Variants in PID1 observed in about 807,000 individuals in gnomAD.
PID1 encodes the protein PTB-containing, cubilin and LRP1-interacting protein.
In PID1, 10 loss-of-function variants were observed where a neutral mutation model predicts 19.1. That is an observed-to-expected ratio of 0.52 (90% confidence interval 0.32 to 0.89). The LOEUF (loss-of-function observed/expected upper bound fraction) is 0.89. Among genes scored for constraint, PID1 ranks in the 40% least tolerant of loss-of-function variants. The pLI, the probability that PID1 is intolerant of heterozygous loss-of-function variation, is 0.03. For synonymous variants in PID1, 130 were observed against 116.0 expected (o/e 1.12, Z -0.78); for missense variants, 248 against 285.3 (o/e 0.87, Z 0.94).
At chr2:229,230,335 A>G (rs1281252049) in intron 1 of PID1, among the ~76,000 whole-genome samples, 1 of 152,240 alleles carries the variant, frequency 6.6e-6, no homozygotes, top group Non-Finnish European at 1.5e-5. Flanking sequence ...GACTGACTGA[A>G]TAGAATAATA....
intron 1 of PID1, among the ~76,000 whole-genome samples, chr2:229,224,438 G>T (rs1692035712): frequency 6.6e-6 from 1 of 152,084 alleles, no homozygotes; most frequent in South Asian, 2.1e-4. Flanking sequence ...TATCTTTTGG[G>T]TGTCTCTCCA....
intron 1 of PID1, among the ~76,000 whole-genome samples, chr2:229,220,193 A>T (rs900872073): frequency 6.6e-6 from 1 of 151,806 alleles, no homozygotes; most frequent in Non-Finnish European, 1.5e-5. Context: ...CTAATTTCCT[A>T]TTTTTTGTAT....
intron 2 of PID1, among the ~76,000 whole-genome samples, chr2:229,143,119 T>G (rs1448602175): frequency 1.4e-5 from 2 of 148,068 alleles, no homozygotes; most frequent in Admixed American, 6.8e-5. Flanking sequence ...CACCGCATAT[T>G]CTCACTTATA....
chr2:229,199,459 C>T (rs2106238801), intron 1 of PID1, among the ~76,000 whole-genome samples: 1 of 152,036 alleles, frequency 6.6e-6, no homozygotes, highest in South Asian at 2.1e-4. Context: ...GTTCTAGTAC[C>T]TAGAGCAGTA....
At chr2:229,045,707 T>A (rs1693861252) in intron 2 of PID1, among the ~76,000 whole-genome samples, 1 of 152,352 alleles carries the variant, frequency 6.6e-6, no homozygotes, top group African/African-American at 2.4e-5. Context: ...ACCTTTCTTT[T>A]GTGAACACAC....
chr2:229,158,388 A>G (rs897043707), intron 1 of PID1, among the ~76,000 whole-genome samples: 2 of 152,128 alleles, frequency 1.3e-5, no homozygotes, highest in African/African-American at 2.4e-5. Context: ...TTGTTCCTAT[A>G]ATTTATCCCT....
At chr2:229,142,673 A>G (rs1047237799) in intron 2 of PID1, among the ~76,000 whole-genome samples, 6 of 152,156 alleles carry the variant, frequency 3.9e-5, no homozygotes, top group African/African-American at 1.4e-4. Context: ...TTAGAATGGC[A>G]ATCATTAAAA....
chr2:229,264,304 C>T (rs1690538523), intron 1 of PID1, among the ~76,000 whole-genome samples: 1 of 152,136 alleles, frequency 6.6e-6, no homozygotes, highest in South Asian at 2.1e-4. Flanking sequence ...CACGACTTCC[C>T]TTACTACATT....
intron 2 of PID1, among the ~76,000 whole-genome samples, chr2:229,106,624 A>G (rs1274925729): frequency 6.6e-6 from 1 of 152,220 alleles, no homozygotes. Flanking sequence ...GGACACATAG[A>G]AGGCGCCATC....
At chr2:229,214,596 GTTTTC>G (rs369593739) in intron 1 of PID1, among the ~76,000 whole-genome samples, 1 of 152,184 alleles carries the variant, frequency 6.6e-6, no homozygotes, top group African/African-American at 2.4e-5. Flanking sequence ...TTATTAGTTA[GTTTTC>G]TTTTCACTAA....
intron 2 of PID1, among the ~76,000 whole-genome samples, chr2:229,084,285 A>G (rs1694723321): frequency 6.6e-6 from 1 of 152,144 alleles, no homozygotes; most frequent in Non-Finnish European, 1.5e-5. Flanking sequence ...TGTATTATTT[A>G]TTATCATTAT....
intron 1 of PID1, among the ~76,000 whole-genome samples, chr2:229,201,772 A>G (rs1691503869): frequency 6.6e-6 from 1 of 152,028 alleles, no homozygotes; most frequent in African/African-American, 2.4e-5. Context: ...ATTCCTCTAC[A>G]TTCTTACCAC....
intron 1 of PID1, among the ~76,000 whole-genome samples, chr2:229,225,242 T>C (rs6752022): frequency 0.035 from 5,340 of 152,118 alleles, 271 homozygotes; most frequent in African/African-American, 0.12. Context: ...AAAATGGAGA[T>C]TGTAGTGGGA....
intron 2 of PID1, among the ~76,000 whole-genome samples, chr2:229,128,356 C>T (rs752698030): frequency 2.0e-5 from 3 of 152,178 alleles, no homozygotes; most frequent in Non-Finnish European, 4.4e-5. Flanking sequence ...GCCTTTTCTC[C>T]CTCCAACTAG....
intron 2 of PID1, among the ~76,000 whole-genome samples, chr2:229,056,430 C>G (rs975286374): frequency 6.6e-6 from 1 of 152,062 alleles, no homozygotes; most frequent in Non-Finnish European, 1.5e-5. Flanking sequence ...GAACGTATCC[C>G]TCTTGCAAGG....
rs552966339 is a variant in PID1 at position 229,230,568 on chromosome 2, T to C, written c.30+40446A>G. Reference sequence around the variant, plus strand: ...CTTAAGTCATCTGCTTTGTCAGCTATAGGATTTTCAACATTTGTTTCATAA... The same window carrying C: ...CTTAAGTCATCTGCTTTGTCAGCTACAGGATTTTCAACATTTGTTTCATAA... On this transcript the variant is annotated intron_variant, in intron 1 of 2. Coordinates refer to ENST00000392055, the MANE Select transcript of PID1 (RefSeq NM_001100818.2). Among the ~76,000 whole-genome samples the C allele has an allele frequency of 2.0e-5, 3 of 152,328 alleles. No individual in the cohort carries two copies. In the East Asian group the frequency reaches 5.8e-4, roughly 29 times the overall value.
Position 229,025,779 on chromosome 2 carries a change from G to A in PID1, c.507C>T (p.Cys169=), listed in dbSNP as rs761864611. The A allele has an allele frequency of 1.4e-5, 23 of 1,614,110 alleles. No homozygotes were observed. Among genetic ancestry groups the A allele is most frequent in the South Asian group, 6.6e-5 (6 of 91,094 alleles). Residue 169 remains cysteine, a synonymous_variant, in exon 3 of 3, where the codon TGC becomes TGT. Coordinates refer to ENST00000392055, the MANE Select transcript of PID1 (RefSeq NM_001100818.2). ...SYQMDCHAVE[C]ESKLEAKKLA... is the part of the protein sequence containing the mutation. ...GTTTCTTGGCCTCGAGCTTGCTCTCGCACTCCACGGCGTGGCAGTCCATCT... is the reference window on the plus strand; with the variant it reads ...GTTTCTTGGCCTCGAGCTTGCTCTCACACTCCACGGCGTGGCAGTCCATCT...
intron 2 of PID1, among the ~76,000 whole-genome samples, chr2:229,070,941 C>T (rs1403608209): frequency 1.3e-5 from 2 of 152,128 alleles, no homozygotes; most frequent in Non-Finnish European, 2.9e-5. Context: ...TACAAACCTC[C>T]TAAAACAATC....
intron 2 of PID1, among the ~76,000 whole-genome samples, chr2:229,038,706 C>A (rs936489977): frequency 1.3e-5 from 2 of 151,986 alleles, no homozygotes; most frequent in African/African-American, 4.8e-5. Flanking sequence ...ATTTTTCTTG[C>A]AGAGAAAATA....
Sources: gnomAD v4.1 joint callset for allele counts (sites outside exome capture counted in the v4.1 genomes callset) on GRCh38, gnomAD v4.1.1 for gene constraint, MANE v1.5 for transcripts, NCBI Gene and HGNC (gene_info 2026-07-23, HGNC 2026-07-21) for gene names.